PCDH7: variants seen among roughly 807,000 people sequenced by gnomAD.
PCDH7 encodes protocadherin-7.
PCDH7 carries 17 observed loss-of-function variants against 58.9 expected under a neutral mutation model. That is an observed-to-expected ratio of 0.29 (90% confidence interval 0.20 to 0.43). The LOEUF is 0.43. Ranked by LOEUF, PCDH7 falls within the 20% of genes least tolerant of loss-of-function variation. The pLI is 1.00. For missense variants in PCDH7, 1,274 were observed against 1,441.0 expected, an observed-to-expected ratio of 0.88 and a Z score of 1.88; for synonymous variants, 664 against 616.4, an observed-to-expected ratio of 1.08 and a Z score of -1.14.
intron 1 of PCDH7, among the ~76,000 whole-genome samples, chr4:30,817,472 T>C (rs550799964): frequency 6.6e-6 from 1 of 152,338 alleles, no homozygotes; most frequent in Non-Finnish European, 1.5e-5. Flanking sequence ...TTTGTCCTTT[T>C]GTCTGCATAT....
intron 3 of PCDH7, among the ~76,000 whole-genome samples, chr4:30,970,528 A>G (rs971594878): frequency 2.6e-5 from 4 of 152,012 alleles, no homozygotes; most frequent in East Asian, 3.9e-4. Context: ...CTCCTGACCT[A>G]GTGATCCCCC....
chr4:30,986,689 A>G (rs572817250), intron 3 of PCDH7, among the ~76,000 whole-genome samples: 1 of 152,224 alleles, frequency 6.6e-6, no homozygotes, highest in African/African-American at 2.4e-5. Flanking sequence ...TCCGTTTGAA[A>G]ATGTCTTTAT....
At chr4:31,003,736 T>C (rs1377390032) in intron 3 of PCDH7, among the ~76,000 whole-genome samples, 1 of 151,794 alleles carries the variant, frequency 6.6e-6, no homozygotes, top group African/African-American at 2.4e-5. Flanking sequence ...TGAAACCACA[T>C]CTCTACTAAA....
At chr4:30,810,609 T>C (rs1483477581) in intron 1 of PCDH7, among the ~76,000 whole-genome samples, 2 of 146,162 alleles carry the variant, frequency 1.4e-5, no homozygotes, top group Admixed American at 1.4e-4. Context: ...AAACGTCTTC[T>C]CATTTTCTTT....
intron 3 of PCDH7, among the ~76,000 whole-genome samples, chr4:31,035,228 G>GT (rs924877222): frequency 2.9e-4 from 36 of 124,866 alleles, no homozygotes; most frequent in Admixed American, 1.1e-3. Flanking sequence ...AAGCATCTAT[G>GT]TTTTTTTTCC....
chr4:30,949,928 T>C (rs2109446408), intron 2 of PCDH7, among the ~76,000 whole-genome samples: 1 of 152,260 alleles, frequency 6.6e-6, no homozygotes, highest in Non-Finnish European at 1.5e-5. Context: ...TGAAAGACTG[T>C]TCAAATTAAC....
At chr4:30,862,234 A>T (rs1734298161) in intron 1 of PCDH7, among the ~76,000 whole-genome samples, 1 of 152,188 alleles carries the variant, frequency 6.6e-6, no homozygotes. Flanking sequence ...AAAAATTCAC[A>T]GTGGTGATGA....
At chr4:30,840,690 C>T (rs770484038) in intron 1 of PCDH7, among the ~76,000 whole-genome samples, 3 of 151,984 alleles carry the variant, frequency 2.0e-5, no homozygotes, top group Non-Finnish European at 4.4e-5. Flanking sequence ...AGGAGCAGAA[C>T]AAAATTTTTT....
chr4:30,755,051 A>G (rs1011509167), intron 1 of PCDH7, among the ~76,000 whole-genome samples: 4 of 152,124 alleles, frequency 2.6e-5, no homozygotes, highest in Non-Finnish European at 4.4e-5. Flanking sequence ...ACAACTTTTC[A>G]AAGATCATAC....
intron 2 of PCDH7, among the ~76,000 whole-genome samples, chr4:30,938,416 A>T (rs148132834): frequency 0.011 from 1,630 of 152,064 alleles, 28 homozygotes; most frequent in African/African-American, 0.037. Flanking sequence ...TATATTTGGG[A>T]TACTCATTCT....
At chr4:30,786,834 T>G in intron 1 of PCDH7, 1 of 729,658 alleles carries the variant, frequency 1.4e-6, no homozygotes, top group Non-Finnish European at 1.7e-6. Flanking sequence ...CTCAATATGT[T>G]GGATCCTAAT....
At chr4:31,024,347 A>G (rs1014319007) in intron 3 of PCDH7, among the ~76,000 whole-genome samples, 3 of 152,180 alleles carry the variant, frequency 2.0e-5, no homozygotes, top group Non-Finnish European at 1.5e-5. Context: ...TCTGCTTAAT[A>G]GGAGAATTGA....
intron 3 of PCDH7, among the ~76,000 whole-genome samples, chr4:31,038,054 G>C (rs746909363): frequency 6.6e-6 from 1 of 152,244 alleles, no homozygotes; most frequent in Non-Finnish European, 1.5e-5. Context: ...CAAGACTCTG[G>C]AGAGCAATCC....
chr4:30,936,781 G>A (rs1417259444), intron 2 of PCDH7, among the ~76,000 whole-genome samples: 3 of 152,010 alleles, frequency 2.0e-5, no homozygotes, highest in Admixed American at 6.6e-5. Context: ...AGATTTTGGT[G>A]GGAGGTGCTT....
At chr4:30,787,387 A>G (rs963256253) in intron 1 of PCDH7, among the ~76,000 whole-genome samples, 1 of 152,084 alleles carries the variant, frequency 6.6e-6, no homozygotes, top group African/African-American at 2.4e-5. Flanking sequence ...AAGAAATACT[A>G]TTGCCAATCA....
intron 3 of PCDH7, among the ~76,000 whole-genome samples, chr4:31,019,907 A>T (rs1753898578): frequency 6.6e-6 from 1 of 151,990 alleles, no homozygotes; most frequent in Non-Finnish European, 1.5e-5. Context: ...TATTGTTTTG[A>T]TGAGAGAAGC....
chr4:31,029,137 T>C (rs1007285488), intron 3 of PCDH7, among the ~76,000 whole-genome samples: 2 of 152,248 alleles, frequency 1.3e-5, no homozygotes, highest in Non-Finnish European at 2.9e-5. Flanking sequence ...AAATGCCTTG[T>C]TAATTCTTTT....
intron 1 of PCDH7, among the ~76,000 whole-genome samples, chr4:30,806,386 C>A (rs544889852): frequency 1.3e-5 from 2 of 152,100 alleles, no homozygotes; most frequent in South Asian, 4.2e-4. Flanking sequence ...CTCACTGCAA[C>A]CTCTGCCTCC....
chr4:30,907,757 C>T (rs145254312), intron 1 of PCDH7, among the ~76,000 whole-genome samples: 2,110 of 152,212 alleles, frequency 0.014, 46 homozygotes, highest in African/African-American at 0.047. Context: ...TGGGCATATA[C>T]CCAAAGCATT....
Sources: allele counts gnomAD v4.1 joint callset (sites outside exome capture counted in the v4.1 genomes callset), GRCh38; gene constraint gnomAD v4.1.1; transcripts MANE v1.5; gene names NCBI Gene and HGNC (gene_info 2026-07-23, HGNC 2026-07-21).